Variants in ARHGAP10 observed in about 807,000 individuals in gnomAD.
The protein encoded by ARHGAP10 is rho GTPase-activating protein 10.
In ARHGAP10, 87 loss-of-function variants were observed where a neutral mutation model predicts 108.6. That is an observed-to-expected ratio of 0.80 (90% CI 0.67 to 0.96). The LOEUF (loss-of-function observed/expected upper bound fraction) is 0.96, where lower values mean the gene tolerates loss of function less well. ARHGAP10 is among the 40% of genes least tolerant of loss of function. ARHGAP10 has a pLI of 0.00. For missense variants in ARHGAP10, 939 were observed against 954.5 expected (o/e 0.98, Z 0.21); for synonymous variants, 347 against 341.1 (o/e 1.02, Z -0.19).
chr4:147,951,649 C>T (rs1366796983), intron 15 of ARHGAP10, among the ~76,000 whole-genome samples: 1 of 151,768 alleles, frequency 6.6e-6, no homozygotes, highest in East Asian at 1.9e-4. Context: ...AACAGGGTCT[C>T]ACTTTGTTGC....
intron 3 of ARHGAP10, among the ~76,000 whole-genome samples, chr4:147,830,878 T>G (rs1732931024): frequency 6.6e-6 from 1 of 152,250 alleles, no homozygotes; most frequent in Non-Finnish European, 1.5e-5. Flanking sequence ...TTTCAGAGTA[T>G]TACTAAAAGA....
chr4:147,891,300 T>G (rs1286447101), intron 10 of ARHGAP10, among the ~76,000 whole-genome samples: 1 of 152,198 alleles, frequency 6.6e-6, no homozygotes, highest in Non-Finnish European at 1.5e-5. Flanking sequence ...TACATGCTAC[T>G]GTATGAATGA....
Position 147,842,779 on chromosome 4 carries a change from T to G in ARHGAP10, c.313-4372T>G, listed in dbSNP as rs370196666. On this transcript the variant is annotated intron_variant, in intron 3 of 22. Coordinates refer to ENST00000336498, the MANE Select transcript of ARHGAP10 (RefSeq NM_024605.4). ...CAGCACTTTGTCTGCCACGTCATACTGTGCTGACGTGTTCACATCTCTTAG... is the reference window on the plus strand; with the variant it reads ...CAGCACTTTGTCTGCCACGTCATACGGTGCTGACGTGTTCACATCTCTTAG... Among the ~76,000 whole-genome samples the G allele has an allele frequency of 5.4e-4, 83 of 152,316 alleles. 2 individuals carry two copies. In the South Asian group the frequency reaches 0.016, roughly 29 times the overall value.
At chr4:147,767,537 C>A (rs147087325) in intron 1 of ARHGAP10, among the ~76,000 whole-genome samples, 3 of 151,816 alleles carry the variant, frequency 2.0e-5, no homozygotes, top group Non-Finnish European at 4.4e-5. Context: ...GAAGACTGAG[C>A]CTATATTAAA....
At chr4:147,854,602 T>G (rs1018817646) in intron 4 of ARHGAP10, 2 of 647,676 alleles carry the variant, frequency 3.1e-6, no homozygotes, top group African/African-American at 4.0e-5. Flanking sequence ...AATGCAGTAT[T>G]GGGGGAAAAA....
At chr4:147,790,329 C>T (rs1731068148) in intron 1 of ARHGAP10, among the ~76,000 whole-genome samples, 1 of 152,184 alleles carries the variant, frequency 6.6e-6, no homozygotes, top group Admixed American at 6.5e-5. Context: ...TGCCACCTCA[C>T]ATGGGGGTTA....
intron 7 of ARHGAP10, among the ~76,000 whole-genome samples, chr4:147,867,830 C>T (rs1019932942): frequency 7.8e-5 from 11 of 141,698 alleles, no homozygotes; most frequent in African/African-American, 3.0e-4. Context: ...TGCCACTGCA[C>T]TCCAGCCTGG....
chr4:147,805,336 G>A (rs1040655708), intron 1 of ARHGAP10, among the ~76,000 whole-genome samples: 1 of 152,124 alleles, frequency 6.6e-6, no homozygotes, highest in Non-Finnish European at 1.5e-5. Context: ...TTGTCTGTGT[G>A]TCTTTGTACC....
chr4:147,947,192 G>A (rs1328647932), intron 15 of ARHGAP10, among the ~76,000 whole-genome samples: 1 of 149,094 alleles, frequency 6.7e-6, no homozygotes, highest in Non-Finnish European at 1.5e-5. Context: ...TTTAGGACTA[G>A]AGTTAGAGGG....
chr4:147,764,100 C>A (rs1481717762), intron 1 of ARHGAP10, among the ~76,000 whole-genome samples: 2 of 152,108 alleles, frequency 1.3e-5, no homozygotes, highest in Non-Finnish European at 2.9e-5. Flanking sequence ...TCAAAATCAG[C>A]TGAATAGAGT....
chr4:148,023,517 C>A, intron 19 of ARHGAP10, 104 bp downstream of exon 19: 1 of 1,237,020 alleles, frequency 8.1e-7, no homozygotes, highest in Non-Finnish European at 1.1e-6. Flanking sequence ...GTTTTAATTT[C>A]TTCTTCCCTT....
At chr4:147,760,367 C>T (rs2126704409) in intron 1 of ARHGAP10, among the ~76,000 whole-genome samples, 1 of 152,302 alleles carries the variant, frequency 6.6e-6, no homozygotes, top group South Asian at 2.1e-4. Flanking sequence ...GAGAGCTTAA[C>T]CAGCTTGTCC....
chr4:147,769,349 A>C (rs1188530171), intron 1 of ARHGAP10, among the ~76,000 whole-genome samples: 4 of 152,200 alleles, frequency 2.6e-5, no homozygotes, highest in African/African-American at 9.7e-5. Context: ...TCCATAACTC[A>C]AGATGATCCC....
chr4:148,030,144 TA>T (rs1033675187), intron 19 of ARHGAP10, among the ~76,000 whole-genome samples: 10 of 152,168 alleles, frequency 6.6e-5, no homozygotes, highest in East Asian at 1.9e-4. Context: ...TTAATGCCTT[TA>T]AAAAAAATAC....
intron 15 of ARHGAP10, among the ~76,000 whole-genome samples, chr4:147,950,621 G>A (rs1445600914): frequency 3.3e-5 from 5 of 152,188 alleles, no homozygotes; most frequent in African/African-American, 9.7e-5. Context: ...CAAGAAGCAG[G>A]TCCTCCAGGG....
chr4:147,817,414 T>C (rs1397630620), intron 1 of ARHGAP10, among the ~76,000 whole-genome samples: 1 of 152,156 alleles, frequency 6.6e-6, no homozygotes, highest in Admixed American at 6.5e-5. Flanking sequence ...TAACTAAAAA[T>C]TGTTGATAAA....
At chr4:147,871,885 G>C (rs1047247779) in intron 7 of ARHGAP10, among the ~76,000 whole-genome samples, 1 of 152,212 alleles carries the variant, frequency 6.6e-6, no homozygotes, top group Admixed American at 6.5e-5. Flanking sequence ...AGGATCACTT[G>C]AGCCCCAGAG....
chr4:147,877,993 G>C (rs932280932), intron 8 of ARHGAP10, among the ~76,000 whole-genome samples: 1 of 152,078 alleles, frequency 6.6e-6, no homozygotes, highest in African/African-American at 2.4e-5. Flanking sequence ...CTGGAGGGCA[G>C]TGGCACGATC....
intron 1 of ARHGAP10, among the ~76,000 whole-genome samples, chr4:147,822,248 A>T (rs1037665310): frequency 3.3e-5 from 5 of 151,986 alleles, no homozygotes; most frequent in Non-Finnish European, 7.4e-5. Context: ...CTCTGGCTGG[A>T]GTGGTTATTT....
Sources: allele counts gnomAD v4.1 joint callset (sites outside exome capture counted in the v4.1 genomes callset), GRCh38; gene constraint gnomAD v4.1.1; transcripts MANE v1.5; gene names NCBI Gene and HGNC (gene_info 2026-07-23, HGNC 2026-07-21).